STIM1: variants seen among roughly 807,000 people sequenced by gnomAD.
STIM1 encodes the protein stromal interaction molecule 1.
A neutral mutation model predicts 74.7 loss-of-function variants in STIM1; 25 were observed. That is an observed-to-expected ratio of 0.33 (90% CI 0.24 to 0.47). The LOEUF (loss-of-function observed/expected upper bound fraction) is 0.47, where lower values mean the gene tolerates loss of function less well. Ranked by LOEUF, STIM1 falls within the 20% of genes least tolerant of loss-of-function variation. The pLI is 1.00. For synonymous variants in STIM1, 328 were observed against 348.8 expected, an observed-to-expected ratio of 0.94 and a Z score of 0.66; for missense variants, 728 against 920.8, an observed-to-expected ratio of 0.79 and a Z score of 2.71.
chr11:3,866,067 G>A (rs1369467060), intron 1 of STIM1, among the ~76,000 whole-genome samples: 2 of 152,160 alleles, frequency 1.3e-5, no homozygotes, highest in Admixed American at 1.3e-4. Flanking sequence ...TGTATGGGTG[G>A]TGGTTGCTTT....
At chr11:3,989,591 C>A in intron 2 of STIM1, 1 of 443,440 alleles carries the variant, frequency 2.3e-6, no homozygotes, top group East Asian at 5.1e-5. Flanking sequence ...CCAGAAGGGG[C>A]GGTGGGAGAA....
intron 1 of STIM1, among the ~76,000 whole-genome samples, chr11:3,896,397 A>G (rs1447679387): frequency 6.6e-6 from 1 of 152,204 alleles, no homozygotes; most frequent in Non-Finnish European, 1.5e-5. Context: ...ACTCACGATC[A>G]TAGAGCTAAG....
rs2094528126 is a variant in STIM1 at position 4,092,014 on chromosome 11, C to A, written c.*216C>A. 1 of 642,592 alleles carries A rather than the reference C, an allele frequency of 1.6e-6. No homozygotes were observed. Among genetic ancestry groups the A allele is most frequent in the South Asian group, 1.9e-5 (1 of 53,056 alleles). The allele number at this position is 642,592 out of a possible 1,614,324, so 39.8% of individuals were successfully genotyped here. ...TGGCCTGCCTGCCCTGCCTCCGTCC[C>A]AACCATGGGCTGCTGCTGTCACTCC... On this transcript the variant is annotated 3_prime_UTR_variant, in exon 13 of 13. Transcript: ENST00000526596.
At chr11:3,898,776 C>G (rs2092264856) in intron 1 of STIM1, among the ~76,000 whole-genome samples, 1 of 148,786 alleles carries the variant, frequency 6.7e-6, no homozygotes, top group South Asian at 2.1e-4. Flanking sequence ...ATAGGGAATC[C>G]TTTCCCCATT....
intron 2 of STIM1, among the ~76,000 whole-genome samples, chr11:3,991,259 C>A (rs2093608864): frequency 1.4e-5 from 2 of 147,422 alleles, no homozygotes; most frequent in African/African-American, 5.0e-5. Flanking sequence ...CAGCCTCAAT[C>A]TCCTGGGCTC....
chr11:3,915,899 T>C (rs2092636178), intron 1 of STIM1, among the ~76,000 whole-genome samples: 1 of 151,908 alleles, frequency 6.6e-6, no homozygotes, highest in African/African-American at 2.4e-5. Context: ...CTACTAAAAA[T>C]ACAAAAAGAA....
chr11:4,019,537 C>T (rs865952747), intron 2 of STIM1, among the ~76,000 whole-genome samples: 3 of 151,578 alleles, frequency 2.0e-5, no homozygotes, highest in Non-Finnish European at 2.9e-5. Context: ...TAGCTCGGTA[C>T]CGTGGTGCAC....
chr11:4,037,120 A>T lies in STIM1; in HGVS notation c.385+13133A>T, dbSNP rs374198373. On this transcript the variant is annotated intron_variant, in intron 3 of 12. Transcript: ENST00000526596. ...GCCCAGGCTAGAGTGCAGTAGCATG[A>T]TCTCGGCTCACTGCAACCTCCGCCT... Among the ~76,000 whole-genome samples, 26 of 150,632 alleles carry T rather than the reference A, an allele frequency of 1.7e-4. No individual in the cohort carries two copies. The South Asian group carries it at 3.8e-3, about 22-fold the overall frequency.
chr11:3,870,647 C>T (rs1001927029), intron 1 of STIM1, among the ~76,000 whole-genome samples: 4 of 151,960 alleles, frequency 2.6e-5, no homozygotes, highest in Non-Finnish European at 5.9e-5. Context: ...CAGGTGTGTA[C>T]CACCATGCCT....
intron 2 of STIM1, among the ~76,000 whole-genome samples, chr11:3,975,976 G>A (rs1258983095): frequency 6.6e-6 from 1 of 152,154 alleles, no homozygotes; most frequent in Non-Finnish European, 1.5e-5. Flanking sequence ...TCTTCCTCTA[G>A]GTATTTACCC....
intron 2 of STIM1, among the ~76,000 whole-genome samples, chr11:3,990,974 T>C (rs537737336): frequency 6.6e-6 from 1 of 152,260 alleles, no homozygotes; most frequent in East Asian, 1.9e-4. Context: ...CCACTCCTTT[T>C]GGAGATCCCA....
intron 3 of STIM1, among the ~76,000 whole-genome samples, chr11:4,051,461 G>A (rs1051192207): frequency 1.3e-5 from 2 of 151,402 alleles, no homozygotes; most frequent in African/African-American, 4.9e-5. Flanking sequence ...TCCTGCCTCA[G>A]CCTCCCGAGT....
intron 3 of STIM1, among the ~76,000 whole-genome samples, chr11:4,036,306 G>T (rs2094102080): frequency 6.6e-6 from 1 of 152,118 alleles, no homozygotes; most frequent in Admixed American, 6.5e-5. Flanking sequence ...GAATAGTGCT[G>T]CAGTGAACAT....
intron 12 of STIM1, among the ~76,000 whole-genome samples, chr11:4,088,413 T>C (rs988107087): frequency 2.6e-5 from 4 of 152,236 alleles, no homozygotes; most frequent in African/African-American, 4.8e-5. Flanking sequence ...ATAGTTATGC[T>C]TGAGGGCTGT....
chr11:4,012,204 C>G (rs993895529), intron 2 of STIM1, among the ~76,000 whole-genome samples: 1 of 152,110 alleles, frequency 6.6e-6, no homozygotes, highest in Non-Finnish European at 1.5e-5. Flanking sequence ...CTTGGCTATG[C>G]GGACTCTTTT....
Position 3,855,924 on chromosome 11 carries a change from C to T in STIM1, c.-347C>T, listed in dbSNP as rs957641876. On this transcript the variant is annotated 5_prime_UTR_variant, in exon 1 of 13. Coordinates refer to ENST00000526596, the MANE Select transcript of STIM1 (RefSeq NM_001382567.1). ...TCTCTTCCTCCTCCACTTCTGTGCC[C>T]GCGGAGACTCCGGCCGCCCCCTTCC... 3.0e-6 allele frequency: 1 copy of T among 332,484 alleles called. No individual in the cohort carries two copies. The highest frequency in any genetic ancestry group is 2.8e-5 in the South Asian group (1 of 35,308). The allele number at this position is 332,484 out of a possible 1,614,324, so 20.6% of individuals were successfully genotyped here. A position where few individuals can be genotyped will look rare whatever the true frequency, so the allele number is the denominator to read the frequency against.
intron 1 of STIM1, among the ~76,000 whole-genome samples, chr11:3,935,681 C>T (rs555182178): frequency 6.6e-6 from 1 of 152,318 alleles, no homozygotes; most frequent in Admixed American, 6.5e-5. Context: ...TAAATGCAAC[C>T]TTGGCTGGAG....
intron 1 of STIM1, among the ~76,000 whole-genome samples, chr11:3,939,629 T>C (rs915187816): frequency 6.6e-6 from 1 of 152,200 alleles, no homozygotes; most frequent in Admixed American, 6.5e-5. Context: ...ATTTTAGAGA[T>C]GAAGAAATTG....
intron 3 of STIM1, among the ~76,000 whole-genome samples, chr11:4,034,557 CT>C (rs1340753646): frequency 6.6e-6 from 1 of 152,006 alleles, no homozygotes; most frequent in Non-Finnish European, 1.5e-5. Context: ...ATTTTTATGT[CT>C]TTGTTCATGA....
Sources: gnomAD v4.1 joint callset for allele counts (sites outside exome capture counted in the v4.1 genomes callset) on GRCh38, gnomAD v4.1.1 for gene constraint, MANE v1.5 for transcripts, NCBI Gene and HGNC (gene_info 2026-07-23, HGNC 2026-07-21) for gene names.